Variants in B3GALT1 observed in about 807,000 individuals in gnomAD.
B3GALT1 encodes UDP-Gal:betaGlcNAc beta 1,3-galactosyltransferase, polypeptide 1.
A neutral mutation model predicts 23.2 loss-of-function variants in B3GALT1; 10 were observed. The ratio of observed to expected loss-of-function variants is 0.43; its 90% CI spans 0.27 to 0.73. The LOEUF (loss-of-function observed/expected upper bound fraction) is 0.73, where lower values mean the gene tolerates loss of function less well. Ranked by LOEUF, B3GALT1 falls within the 30% of genes least tolerant of loss-of-function variation. The probability of loss-of-function intolerance (pLI) is 0.21; values close to 1 mark genes in which losing one functional copy is unlikely to be tolerated. For synonymous variants in B3GALT1, 156 were observed against 141.5 expected (o/e 1.10, Z -0.73); for missense variants, 299 against 405.4 (o/e 0.74, Z 2.25).
intron 1 of B3GALT1, among the ~76,000 whole-genome samples, chr2:167,379,465 G>A (rs2105275049): frequency 6.6e-6 from 1 of 152,212 alleles, no homozygotes; most frequent in Non-Finnish European, 1.5e-5. Flanking sequence ...GGGTGTGACT[G>A]TAGAGATTGC....
chr2:167,685,084 A>G (rs1396523613), intron 3 of B3GALT1, among the ~76,000 whole-genome samples: 2 of 152,236 alleles, frequency 1.3e-5, no homozygotes, highest in South Asian at 4.1e-4. Context: ...ATAACAAGAT[A>G]TTGTACATGG....
intron 3 of B3GALT1, among the ~76,000 whole-genome samples, chr2:167,669,657 T>C (rs1291038492): frequency 6.6e-6 from 1 of 152,242 alleles, no homozygotes; most frequent in Non-Finnish European, 1.5e-5. Context: ...ACATTTACAC[T>C]TTAGAAATGT....
chr2:167,557,631 G>A (rs1487265436), intron 2 of B3GALT1, among the ~76,000 whole-genome samples: 1 of 152,088 alleles, frequency 6.6e-6, no homozygotes, highest in Non-Finnish European at 1.5e-5. Flanking sequence ...CTGTCAAAGT[G>A]GTCATGGACT....
At chr2:167,716,154 C>G in intron 3 of B3GALT1, 1 of 1,324,438 alleles carries the variant, frequency 7.6e-7, no homozygotes, top group Non-Finnish European at 1.0e-6. Flanking sequence ...GAACCCGAAT[C>G]CGCACGCGGC....
chr2:167,486,088 G>A (rs772657809), intron 1 of B3GALT1, among the ~76,000 whole-genome samples: 7 of 152,152 alleles, frequency 4.6e-5, no homozygotes, highest in African/African-American at 1.4e-4. Flanking sequence ...CAGGCTGGAC[G>A]TGGTGGCTCA....
At chr2:167,397,637 G>A (rs990396613) in intron 1 of B3GALT1, among the ~76,000 whole-genome samples, 13 of 152,100 alleles carry the variant, frequency 8.5e-5, no homozygotes, top group African/African-American at 2.2e-4. Flanking sequence ...TGTAACAAAC[G>A]AATTATTAAG....
chr2:167,789,286 A>G (rs929966597), intron 3 of B3GALT1, among the ~76,000 whole-genome samples: 2 of 152,110 alleles, frequency 1.3e-5, no homozygotes, highest in South Asian at 4.1e-4. Flanking sequence ...TTATTTATAC[A>G]AGTATGTAGA....
intron 2 of B3GALT1, among the ~76,000 whole-genome samples, chr2:167,626,953 C>T (rs1241254621): frequency 6.6e-6 from 1 of 151,624 alleles, no homozygotes; most frequent in Admixed American, 6.6e-5. Context: ...AAACACAAAG[C>T]AATTATCACA....
At chr2:167,695,623 T>C (rs903233451) in intron 3 of B3GALT1, among the ~76,000 whole-genome samples, 2 of 152,200 alleles carry the variant, frequency 1.3e-5, no homozygotes, top group Non-Finnish European at 2.9e-5. Flanking sequence ...ACAATTATTT[T>C]TATTACTGCT....
chr2:167,359,043 G>A (rs2204280), intron 1 of B3GALT1, among the ~76,000 whole-genome samples: 121,302 of 151,862 alleles, frequency 0.8, 50,565 homozygotes, highest in East Asian at 0.92. Flanking sequence ...CTCGTGATCC[G>A]CCTGCCTTGG....
intron 1 of B3GALT1, among the ~76,000 whole-genome samples, chr2:167,454,049 G>A (rs1165316363): frequency 1.3e-5 from 2 of 152,114 alleles, no homozygotes; most frequent in Admixed American, 6.5e-5. Context: ...TTTTGTATCT[G>A]TGCACTGAGA....
chr2:167,401,807 A>G (rs572392687), intron 1 of B3GALT1, among the ~76,000 whole-genome samples: 2 of 152,206 alleles, frequency 1.3e-5, no homozygotes, highest in Non-Finnish European at 2.9e-5. Context: ...GTCACATTTT[A>G]ACAGCCTGTT....
chr2:167,631,278 T>C (rs1350029234), intron 2 of B3GALT1, among the ~76,000 whole-genome samples: 1 of 151,750 alleles, frequency 6.6e-6, no homozygotes, highest in East Asian at 1.9e-4. Flanking sequence ...GATTTGACCA[T>C]AAGGAAAACA....
In B3GALT1 at chr2:167,760,185, A is replaced by T. The variant is rs1687879311; in HGVS notation, c.-351-58487A>T. Among the ~76,000 whole-genome samples the T allele has an allele frequency of 2.0e-5, 3 of 152,174 alleles. No individual in the cohort carries two copies. The South Asian group carries it at 6.2e-4, about 32-fold the overall frequency. ...AAACACAAAACTATTAGCCAGAAAG[A>T]TTCATTTTTTGCTATGCAACTGTTT... On this transcript the variant is annotated intron_variant, in intron 3 of 4. Coordinates refer to ENST00000392690, the MANE Select transcript of B3GALT1 (RefSeq NM_020981.4).
At chr2:167,765,385 G>A (rs766331292) in intron 3 of B3GALT1, among the ~76,000 whole-genome samples, 2 of 152,110 alleles carry the variant, frequency 1.3e-5, no homozygotes, top group African/African-American at 2.4e-5. Context: ...TGTTCCACTC[G>A]GCGCTATGGC....
chr2:167,441,167 T>G (rs2105313015), intron 1 of B3GALT1, among the ~76,000 whole-genome samples: 1 of 152,286 alleles, frequency 6.6e-6, no homozygotes, highest in East Asian at 1.9e-4. Flanking sequence ...GCATGACTAG[T>G]TCACATTCAA....
chr2:167,635,348 A>G (rs1468574233), intron 2 of B3GALT1, among the ~76,000 whole-genome samples: 2 of 152,158 alleles, frequency 1.3e-5, no homozygotes, highest in Non-Finnish European at 2.9e-5. Context: ...AGTTCTGGCC[A>G]GGGCAATCAG....
At chr2:167,397,442 T>C (rs2689845) in intron 1 of B3GALT1, among the ~76,000 whole-genome samples, 141,846 of 152,080 alleles carry the variant, frequency 0.93, 66,624 homozygotes, top group Non-Finnish European at 0.99. Flanking sequence ...GAATCTTCTT[T>C]CTCTCAACTC....
At chr2:167,433,319 T>C (rs1047703943) in intron 1 of B3GALT1, among the ~76,000 whole-genome samples, 5 of 152,200 alleles carry the variant, frequency 3.3e-5, no homozygotes, top group African/African-American at 1.2e-4. Context: ...TATACCATAG[T>C]TTATTTATCT....
Sources: allele counts gnomAD v4.1 joint callset (sites outside exome capture counted in the v4.1 genomes callset), GRCh38; gene constraint gnomAD v4.1.1; transcripts MANE v1.5; gene names NCBI Gene and HGNC (gene_info 2026-07-23, HGNC 2026-07-21).